Variants in MAGI1 observed in about 807,000 individuals in gnomAD.
The protein encoded by MAGI1 is membrane associated guanylate kinase, WW and PDZ domain containing 1, also known as membrane-associated guanylate kinase, WW and PDZ domain-containing protein 1.
A neutral mutation model predicts 139.9 loss-of-function variants in MAGI1; 58 were observed. The ratio of observed to expected loss-of-function variants is 0.41; its 90% CI spans 0.34 to 0.52. MAGI1 has a LOEUF of 0.52. MAGI1 is among the 20% of genes least tolerant of loss of function. The pLI is 0.12. For synonymous variants in MAGI1, 812 were observed against 737.9 expected (o/e 1.10, Z -1.63); for missense variants, 1,874 against 1,901.6 (o/e 0.99, Z 0.27).
At chr3:65,788,958 C>T (rs1352963897) in intron 1 of MAGI1, among the ~76,000 whole-genome samples, 3 of 152,130 alleles carry the variant, frequency 2.0e-5, no homozygotes, top group South Asian at 2.1e-4. Context: ...CAGGAGAATC[C>T]GTTGCGGCCA....
chr3:65,387,426 G>A (rs1359185251), intron 14 of MAGI1, among the ~76,000 whole-genome samples: 1 of 149,676 alleles, frequency 6.7e-6, no homozygotes, highest in Non-Finnish European at 1.5e-5. Flanking sequence ...AAAAAAGGTA[G>A]AATTTACAAT....
intron 1 of MAGI1, among the ~76,000 whole-genome samples, chr3:65,973,252 C>A (rs2065096682): frequency 6.6e-6 from 1 of 152,116 alleles, no homozygotes; most frequent in Non-Finnish European, 1.5e-5. Context: ...ATCTCAGCCC[C>A]CTTTCCTAAC....
intron 1 of MAGI1, among the ~76,000 whole-genome samples, chr3:65,811,951 T>A (rs3916589): frequency 0.14 from 13,883 of 97,178 alleles, 982 homozygotes; most frequent in Admixed American, 0.27. Context: ...TGTGTGTGTG[T>A]GTGTGTGTGA....
chr3:66,012,310 A>C (rs1480103939), intron 1 of MAGI1, among the ~76,000 whole-genome samples: 1 of 152,112 alleles, frequency 6.6e-6, no homozygotes, highest in African/African-American at 2.4e-5. Flanking sequence ...ACCATGATCC[A>C]CTCAACATGA....
intron 8 of MAGI1, among the ~76,000 whole-genome samples, chr3:65,441,372 T>C (rs4386438): frequency 1 from 151,825 of 152,316 alleles, 75,668 homozygotes; most frequent in Middle Eastern, 1. Flanking sequence ...TTTAAGCAGG[T>C]TTATCAATAG....
At chr3:66,027,930 C>T (rs1013638423) in intron 1 of MAGI1, among the ~76,000 whole-genome samples, 2 of 152,156 alleles carry the variant, frequency 1.3e-5, no homozygotes, top group Admixed American at 6.5e-5. Context: ...TGCCAAATGT[C>T]CCCTGGGGAA....
chr3:66,014,562 C>CT (rs2067519385), intron 1 of MAGI1, among the ~76,000 whole-genome samples: 1 of 152,154 alleles, frequency 6.6e-6, no homozygotes, highest in Non-Finnish European at 1.5e-5. Context: ...ACAAGCAATG[C>CT]TATATAGAGA....
intron 2 of MAGI1, among the ~76,000 whole-genome samples, chr3:65,621,561 G>T (rs758670858): frequency 2.6e-5 from 4 of 152,142 alleles, no homozygotes; most frequent in Admixed American, 2.0e-4. Flanking sequence ...CTCCACAAAG[G>T]TCAGTCCGAA....
intron 1 of MAGI1, among the ~76,000 whole-genome samples, chr3:65,762,211 C>T (rs9876156): frequency 0.013 from 2,021 of 152,270 alleles, 50 homozygotes; most frequent in African/African-American, 0.046. Flanking sequence ...TGGTTCCTTT[C>T]CCCCTCCAAC....
At chr3:65,499,015 C>A (rs1170703587) in intron 2 of MAGI1, 2 of 984,542 alleles carry the variant, frequency 2.0e-6, no homozygotes, top group South Asian at 9.4e-5. Flanking sequence ...AACATACTTA[C>A]CTGAAACAGC....
intron 12 of MAGI1, among the ~76,000 whole-genome samples, chr3:65,423,188 C>T (rs138350025): frequency 6.6e-6 from 1 of 152,280 alleles, no homozygotes; most frequent in African/African-American, 2.4e-5. Context: ...TGGGGCCCTA[C>T]AGCTCAATCT....
chr3:65,428,095 AC>A (rs1947192641), intron 12 of MAGI1, among the ~76,000 whole-genome samples: 1 of 152,120 alleles, frequency 6.6e-6, no homozygotes, highest in African/African-American at 2.4e-5. Flanking sequence ...CCTTCAAATG[AC>A]CCCAGCCATT....
At chr3:66,023,562 G>C (rs2068074771) in intron 1 of MAGI1, among the ~76,000 whole-genome samples, 1 of 152,198 alleles carries the variant, frequency 6.6e-6, no homozygotes, top group Admixed American at 6.5e-5. Flanking sequence ...ATTCTACCAT[G>C]TAATGCTGGC....
intron 1 of MAGI1, among the ~76,000 whole-genome samples, chr3:66,004,228 G>A (rs189773618): frequency 3.9e-5 from 6 of 152,258 alleles, no homozygotes; most frequent in East Asian, 3.9e-4. Flanking sequence ...TTATGCTCAC[G>A]GTTCTGTGGT....
At chr3:65,846,914 C>T (rs184159859) in intron 1 of MAGI1, among the ~76,000 whole-genome samples, 1 of 125,400 alleles carries the variant, frequency 8.0e-6, no homozygotes, top group East Asian at 2.7e-4. Flanking sequence ...GTCCTACTCC[C>T]CCAAACAAAG....
intron 3 of MAGI1, among the ~76,000 whole-genome samples, chr3:65,485,529 C>T (rs1951569402): frequency 6.6e-6 from 1 of 152,150 alleles, no homozygotes; most frequent in African/African-American, 2.4e-5. Context: ...ATAAAGCACC[C>T]AGCACTGTGC....
Position 65,356,341 on chromosome 3 carries a change from C to A in MAGI1, c.*37G>T. 2.6e-6 allele frequency: 4 copies of A among 1,517,900 alleles called. No homozygotes were observed. In the Admixed American group the frequency reaches 6.7e-5, roughly 25 times the overall value. 94.0% of individuals were successfully genotyped at this position (1,517,900 alleles called of 1,614,324 possible). On this transcript the variant is annotated 3_prime_UTR_variant, in exon 23 of 23. Coordinates refer to ENST00000402939, the MANE Select transcript of MAGI1 (RefSeq NM_001033057.2). Reference sequence around the variant, plus strand: ...AGGTTTGTGACTTTCCTCTTAGAACCTTTGACACGGTAAAGGTTGGAATGT... The same window carrying A: ...AGGTTTGTGACTTTCCTCTTAGAACATTTGACACGGTAAAGGTTGGAATGT...
chr3:65,551,460 G>A (rs116648540), intron 2 of MAGI1, among the ~76,000 whole-genome samples: 311 of 152,174 alleles, frequency 2.0e-3, no homozygotes, highest in Non-Finnish European at 4.1e-3. Context: ...ACCACCGCGC[G>A]CGGCTAATTT....
At chr3:65,647,670 C>T (rs1454087253) in intron 1 of MAGI1, among the ~76,000 whole-genome samples, 2 of 152,096 alleles carry the variant, frequency 1.3e-5, no homozygotes, top group African/African-American at 2.4e-5. Context: ...ATCATATCAA[C>T]TGATTTAAAA....
Sources: gnomAD v4.1 joint callset for allele counts (sites outside exome capture counted in the v4.1 genomes callset) on GRCh38, gnomAD v4.1.1 for gene constraint, MANE v1.5 for transcripts, NCBI Gene and HGNC (gene_info 2026-07-23, HGNC 2026-07-21) for gene names.